The following MARCHF6 variants were observed in gnomAD, a reference collection of about 807,000 sequenced individuals.
The protein encoded by MARCHF6 is membrane associated ring-CH-type finger 6, also known as E3 ubiquitin-protein ligase MARCHF6.
MARCHF6 carries 31 observed loss-of-function variants against 133.7 expected under a neutral mutation model. That is an observed-to-expected ratio of 0.23 (90% confidence interval 0.17 to 0.31). The LOEUF (loss-of-function observed/expected upper bound fraction) is 0.31. Ranked by LOEUF, MARCHF6 falls within the 10% of genes least tolerant of loss-of-function variation. MARCHF6 has a pLI of 1.00. For synonymous variants in MARCHF6, 395 were observed against 402.5 expected (o/e 0.98, Z 0.22); for missense variants, 723 against 1,121.6 (o/e 0.64, Z 5.08).
At position 10,382,019 on chromosome 5, in the gene MARCHF6, A is replaced by G. The variant is rs1258303143; in HGVS notation, c.334+76A>G. On this transcript the variant is annotated intron_variant, in intron 4 of 25. Transcript: ENST00000274140. ...TAATATTATAAAGCAATATTGCATC[A>G]TATTATTATTTGACTGATGTTTAGT... 5 of 1,356,950 alleles carry G rather than the reference A, an allele frequency of 3.7e-6. No individual in the cohort carries two copies. In the East Asian group the frequency reaches 9.5e-5, roughly 26 times the overall value. The allele number at this position is 1,356,950 out of a possible 1,614,324, so 84.1% of individuals were successfully genotyped here.
chr5:10,401,687 G>C (rs1308906234), intron 11 of MARCHF6: 1 of 257,294 alleles, frequency 3.9e-6, no homozygotes, highest in Non-Finnish European at 7.3e-6. Flanking sequence ...TTACCCAGCT[G>C]GTGGGTGACT....
rs777269123 is a variant in MARCHF6 at position 10,429,970 on chromosome 5, A to G, written c.2584A>G (p.Ile862Val). Reference protein sequence around the residue: ...FLLMVVVLMAILSFQVRQFKR... With the variant: ...FLLMVVVLMAVLSFQVRQFKR... Reference sequence around the variant, plus strand: ...ACTGATGGTCGTGGTATTGATGGCAATTTTGTCCTTCCAAGTCCGCCAGTT... The same window carrying G: ...ACTGATGGTCGTGGTATTGATGGCAGTTTTGTCCTTCCAAGTCCGCCAGTT... The change falls in exon 25 of 26, where the codon ATT (isoleucine) becomes GTT (valine). Residue 862 changes from isoleucine (I) to valine (V), a missense_variant. Physicochemically the swap from Ile to Val is conservative, Grantham distance 29. Around this residue, in one of 4 missense-constraint regions of MARCHF6, gnomAD observed 492 missense variants for 699.5 expected, o/e 0.70. Coordinates refer to ENST00000274140, the MANE Select transcript of MARCHF6 (RefSeq NM_005885.4). 19 of 1,613,578 alleles carry G rather than the reference A, an allele frequency of 1.2e-5. No individual in the cohort carries two copies. Among genetic ancestry groups the G allele is most frequent in the South Asian group, 4.4e-5 (4 of 91,060 alleles).
At chr5:10,390,616 C>T (rs1579566040) in intron 6 of MARCHF6, 116 bp downstream of exon 6, 1 of 996,754 alleles carries the variant, frequency 1.0e-6, no homozygotes, top group African/African-American at 1.6e-5. Context: ...TTTGTTATTA[C>T]AAAGGAGGGC....
rs1740778336 is a variant in MARCHF6, at chr5:10,439,555, C to T, written c.*5871C>T. 1 of 152,216 alleles carries T rather than the reference C, an allele frequency of 6.6e-6. No individual in the cohort carries two copies. Among genetic ancestry groups the T allele is most frequent in the African/African-American group, 2.4e-5 (1 of 41,438 alleles). The allele number at this position is 152,216 out of a possible 1,614,324, so 9.4% of individuals were successfully genotyped here. A position where few individuals can be genotyped will look rare whatever the true frequency, so the allele number is the denominator to read the frequency against. On this transcript the variant is annotated 3_prime_UTR_variant, in exon 26 of 26. Transcript: ENST00000274140. ...CAAAACATTTCTGATAAATGAGTTGCATCTAGATTACATAAAGAAGTCTCA... is the reference window on the plus strand; with the variant it reads ...CAAAACATTTCTGATAAATGAGTTGTATCTAGATTACATAAAGAAGTCTCA...
At chr5:10,385,368 A>G (rs1737403863) in intron 4 of MARCHF6, among the ~76,000 whole-genome samples, 1 of 152,232 alleles carries the variant, frequency 6.6e-6, no homozygotes, top group South Asian at 2.1e-4. Flanking sequence ...CTAGAAGAAT[A>G]GAAATAGGAT....
rs1204361871 is a variant in MARCHF6, at chr5:10,391,611, G to A, written c.646G>A (p.Ala216Thr). ...DQPANPPAEN[A>T]VVGENPDAQD... Reference sequence around the variant, plus strand: ...GCCTGCTAACCCACCAGCTGAGAACGCAGTGGTGGGGGAAAACCCTGATGC... The same window carrying A: ...GCCTGCTAACCCACCAGCTGAGAACACAGTGGTGGGGGAAAACCCTGATGC... The change falls in exon 7 of 26, where the codon GCA (alanine) becomes ACA (threonine). Residue 216 changes from alanine (A) to threonine (T), a missense_variant. Ala to Thr is a moderately conservative substitution (Grantham distance 58, BLOSUM62 0). This residue lies in a region of MARCHF6 where 97 missense variants were observed against 115.4 expected (regional missense o/e 0.84). Transcript: ENST00000274140. 4 of 1,612,724 alleles carry A rather than the reference G, an allele frequency of 2.5e-6. No individual in the cohort carries two copies. The highest frequency in any genetic ancestry group is 3.4e-6 in the Non-Finnish European group (4 of 1,179,414).
intron 5 of MARCHF6, among the ~76,000 whole-genome samples, chr5:10,388,006 C>A (rs1737596038): frequency 6.6e-6 from 1 of 152,174 alleles, no homozygotes; most frequent in Non-Finnish European, 1.5e-5. Flanking sequence ...CATTTGAACT[C>A]AAATTTATTT....
intron 1 of MARCHF6, among the ~76,000 whole-genome samples, chr5:10,364,675 A>T (rs1197723532): frequency 6.6e-6 from 1 of 152,184 alleles, no homozygotes; most frequent in East Asian, 1.9e-4. Flanking sequence ...GATGTTGCCC[A>T]CAGCTGTTGG....
chr5:10,386,819 A>G (rs903081580), intron 4 of MARCHF6, 175 bp from the exon 5 acceptor site: 72 of 523,168 alleles, frequency 1.4e-4, no homozygotes, highest in Admixed American at 6.2e-4. Flanking sequence ...TTGTCACTAT[A>G]TTTGTGCTTG....
Position 10,410,183 on chromosome 5 carries a change from A to C in MARCHF6, c.1598A>C (p.Gln533Pro). Reference protein sequence around the residue: ...SELSLELLLLQVVLPALLEQG... With the variant: ...SELSLELLLLPVVLPALLEQG... ...CTGTCCCTCGAGCTGCTTCTGCTTCAGGTTGTCTTGCCAGCATTACTCGAA... is the reference window on the plus strand; with the variant it reads ...CTGTCCCTCGAGCTGCTTCTGCTTCCGGTTGTCTTGCCAGCATTACTCGAA... Residue 533 changes from glutamine to proline, a missense_variant, in exon 18 of 26, where the codon CAG (glutamine) becomes CCG (proline). By Grantham distance (76) the Gln-to-Pro change is moderately conservative. Around this residue, in one of 4 missense-constraint regions of MARCHF6, gnomAD observed 492 missense variants for 699.5 expected, o/e 0.70. Transcript: ENST00000274140. The C allele has an allele frequency of 6.2e-7, 1 of 1,614,044 alleles. No homozygotes were observed. The highest frequency in any genetic ancestry group is 8.5e-7 in the Non-Finnish European group (1 of 1,180,012).
In MARCHF6 at chr5:10,436,627, T is replaced by C. The variant is rs930165356; in HGVS notation, c.*2943T>C. 3 of 152,222 alleles carry C rather than the reference T, an allele frequency of 2.0e-5. No homozygotes were observed. Among genetic ancestry groups the C allele is most frequent in the Admixed American group, 2.0e-4 (3 of 15,286 alleles). The allele number at this position is 152,222 out of a possible 1,614,324, so 9.4% of individuals were successfully genotyped here. Reference sequence around the variant, plus strand: ...ATCAGCATTTGGTGATAGTTTTACATGACCAGTTATCAAACGGTCATAGTA... The same window carrying C: ...ATCAGCATTTGGTGATAGTTTTACACGACCAGTTATCAAACGGTCATAGTA... On this transcript the variant is annotated 3_prime_UTR_variant, in exon 26 of 26. Transcript: ENST00000274140.
chr5:10,408,427 C>T (rs1003335867), intron 17 of MARCHF6, among the ~76,000 whole-genome samples: 1 of 152,172 alleles, frequency 6.6e-6, no homozygotes, highest in Non-Finnish European at 1.5e-5. Context: ...TTGAGGCTCC[C>T]CTGATTACTT....
rs199976382 is a variant in MARCHF6 at position 10,402,079 on chromosome 5, A to G, written c.993A>G (p.Glu331=). ...FEEHVQASHF[E]GLITTIVGYI... is the part of the protein sequence containing the mutation. ...TCCAGGTCCAAGCATCTCATTTTGAAGGCCTAATCACAACCATAGTTGGGT... is the reference window on the plus strand; with the variant it reads ...TCCAGGTCCAAGCATCTCATTTTGAGGGCCTAATCACAACCATAGTTGGGT... Residue 331 remains glutamate (E), a synonymous_variant, in exon 12 of 26, where the codon GAA becomes GAG. Transcript: ENST00000274140. The G allele has an allele frequency of 4.7e-5, 75 of 1,607,226 alleles. No homozygotes were observed. Among genetic ancestry groups the G allele is most frequent in the Non-Finnish European group, 6.0e-5 (71 of 1,174,214 alleles).
At chr5:10,355,408 C>A (rs993800983) in intron 1 of MARCHF6, among the ~76,000 whole-genome samples, 1 of 152,126 alleles carries the variant, frequency 6.6e-6, no homozygotes, top group African/African-American at 2.4e-5. Flanking sequence ...GTATTACATT[C>A]AATTCTCATT....
chr5:10,407,953 T>TC (rs11349150), intron 17 of MARCHF6, among the ~76,000 whole-genome samples: 1,852 of 81,876 alleles, frequency 0.023, 58 homozygotes, highest in African/African-American at 0.046. Context: ...TGAAACTGCA[T>TC]CCCCCCCCCC....
At chr5:10,433,533 T>C in intron 25 of MARCHF6, 61 bp from the exon 26 acceptor site, 2 of 1,257,842 alleles carry the variant, frequency 1.6e-6, no homozygotes, top group Non-Finnish European at 2.3e-6. Flanking sequence ...TAAAAAGACA[T>C]ATGAATGTTT....
chr5:10,408,248 GA>G (rs1239573029), intron 17 of MARCHF6, among the ~76,000 whole-genome samples: 3 of 152,076 alleles, frequency 2.0e-5, no homozygotes, highest in Non-Finnish European at 4.4e-5. Context: ...CTAGAACTTG[GA>G]TTATTTTACC....
intron 11 of MARCHF6, chr5:10,401,349 T>G (rs75002437): frequency 6.5e-6 from 1 of 154,438 alleles, no homozygotes; most frequent in Non-Finnish European, 1.4e-5. Flanking sequence ...AATTTAGTCT[T>G]TTATGGAAAA....
In MARCHF6 at chr5:10,415,595, G is replaced by A. The variant is rs1308180572; in HGVS notation, c.2074G>A (p.Val692Met). The change falls in exon 21 of 26, where the codon GTG becomes ATG. Residue 692 changes from valine to methionine, a missense_variant. Val to Met is a conservative substitution (Grantham distance 21). Around this residue, in one of 4 missense-constraint regions of MARCHF6, gnomAD observed 492 missense variants for 699.5 expected, o/e 0.70. Transcript: ENST00000274140. Reference protein sequence around the residue: ...LYVCWLTIRAVTVMVAWMPQG... With the variant: ...LYVCWLTIRAMTVMVAWMPQG... ...TGTTTGCTGGCTAACCATAAGGGCTGTGACGGTGATGGTGGCATGGATGCC... is the reference window on the plus strand; with the variant it reads ...TGTTTGCTGGCTAACCATAAGGGCTATGACGGTGATGGTGGCATGGATGCC... 2 of 1,614,054 alleles carry A rather than the reference G, an allele frequency of 1.2e-6. No homozygotes were observed. Among genetic ancestry groups the A allele is most frequent in the Non-Finnish European group, 1.7e-6 (2 of 1,180,042 alleles).
Sources: gnomAD v4.1 joint callset for allele counts (sites outside exome capture counted in the v4.1 genomes callset) on GRCh38, gnomAD v4.1.1 for gene constraint, gnomAD v4.1.1 regional missense constraint, MANE v1.5 for transcripts, NCBI Gene and HGNC (gene_info 2026-07-23, HGNC 2026-07-21) for gene names.